The following CHODL variants were observed in gnomAD, a reference collection of about 807,000 sequenced individuals.
CHODL encodes the protein transmembrane protein MT75.
In CHODL, 29 loss-of-function variants were observed where a neutral mutation model predicts 34.5. The observed-to-expected ratio is 0.84, with a 90% CI of 0.63 to 1.15. CHODL has a LOEUF of 1.15. Ranked by LOEUF, CHODL falls within the 50% of genes most tolerant of loss-of-function variation. The probability of loss-of-function intolerance (pLI) is 0.00; values close to 1 mark genes in which losing one functional copy is unlikely to be tolerated. For synonymous variants in CHODL, 125 were observed against 116.1 expected, an observed-to-expected ratio of 1.08 and a Z score of -0.49; for missense variants, 332 against 332.5, an observed-to-expected ratio of 1.00 and a Z score of 0.01.
intron 2 of CHODL, among the ~76,000 whole-genome samples, chr21:18,205,737 CT>C (rs56091373): frequency 0.54 from 67,941 of 126,718 alleles, 18,214 homozygotes; most frequent in East Asian, 0.82. Context: ...AAGGAGTATA[CT>C]TTTTTTTTTT....
At chr21:18,188,990 T>A (rs2073478144) in intron 2 of CHODL, among the ~76,000 whole-genome samples, 1 of 152,204 alleles carries the variant, frequency 6.6e-6, no homozygotes, top group Admixed American at 6.5e-5. Context: ...TGCAGTACTA[T>A]TTTTTTGTAT....
chr21:18,061,662 G>A lies in CHODL; in HGVS notation c.-45+33691G>A, dbSNP rs960244616. On this transcript the variant is annotated intron_variant, in intron 2 of 6. Transcript: ENST00000400127. ...ATTGCACTTGTCAACATGGATGGGAGGAAAACAGAGGGAACACCAACAAAA... is the reference window on the plus strand; with the variant it reads ...ATTGCACTTGTCAACATGGATGGGAAGAAAACAGAGGGAACACCAACAAAA... 1.1e-4 allele frequency among the ~76,000 whole-genome samples: 17 copies of A among 152,168 alleles called. No homozygotes were observed. The East Asian group carries it at 2.3e-3, about 21-fold the overall frequency.
intron 2 of CHODL, among the ~76,000 whole-genome samples, chr21:18,163,895 C>T (rs183898331): frequency 5.9e-4 from 90 of 152,142 alleles, no homozygotes; most frequent in African/African-American, 2.0e-3. Context: ...TTTACTGATC[C>T]CCAGTGTGAT....
At chr21:17,981,301 A>C (rs372728416) in intron 1 of CHODL, among the ~76,000 whole-genome samples, 3 of 152,218 alleles carry the variant, frequency 2.0e-5, no homozygotes, top group Non-Finnish European at 4.4e-5. Context: ...GCTACCATGG[A>C]AACAGGTATT....
chr21:18,169,020 G>A (rs1293828010), intron 2 of CHODL, among the ~76,000 whole-genome samples: 1 of 151,968 alleles, frequency 6.6e-6, no homozygotes, highest in Non-Finnish European at 1.5e-5. Context: ...TGGAATTCTG[G>A]TAATACAGGC....
intron 2 of CHODL, among the ~76,000 whole-genome samples, chr21:18,083,931 G>A (rs746278296): frequency 1.3e-5 from 2 of 152,182 alleles, no homozygotes; most frequent in Non-Finnish European, 2.9e-5. Flanking sequence ...GAGACTGCTG[G>A]AAAGACATGA....
intron 2 of CHODL, among the ~76,000 whole-genome samples, chr21:18,051,929 T>C (rs1285020195): frequency 3.9e-5 from 6 of 151,920 alleles, no homozygotes; most frequent in Non-Finnish European, 8.8e-5. Context: ...GGAAAATAAA[T>C]TGTGCACATG....
intron 2 of CHODL, among the ~76,000 whole-genome samples, chr21:18,063,529 A>ATAGG (rs1037930099): frequency 6.6e-6 from 1 of 152,218 alleles, no homozygotes; most frequent in African/African-American, 2.4e-5. Context: ...TGGGGTACAA[A>ATAGG]TAGGTGTGTT....
At position 18,238,359 on chromosome 21, in the gene CHODL, C is replaced by T. The variant is rs142765848; in HGVS notation, c.-44-18150C>T. ...GAATCATGGTGGGAGGCAAAAGGCA[C>T]TTCTTACATGGTGGTGGCAAGAGAA... On this transcript the variant is annotated intron_variant, in intron 2 of 6. Transcript: ENST00000400127. Among the ~76,000 whole-genome samples the T allele has an allele frequency of 3.4e-4, 51 of 152,170 alleles. 1 individual carries two copies. The highest frequency in any genetic ancestry group is 4.9e-4 in the Non-Finnish European group (33 of 67,992).
At chr21:17,978,486 A>C (rs1440820744) in intron 1 of CHODL, among the ~76,000 whole-genome samples, 2 of 151,532 alleles carry the variant, frequency 1.3e-5, no homozygotes, top group Non-Finnish European at 2.9e-5. Context: ...TGGGAGGCCG[A>C]GGTGGGCGGA....
At chr21:18,035,794 TTC>T (rs1341966771) in intron 2 of CHODL, among the ~76,000 whole-genome samples, 1 of 49,750 alleles carries the variant, frequency 2.0e-5, no homozygotes, top group African/African-American at 5.7e-5. Context: ...AATTTGGATC[TTC>T]TTCTTTCATG....
chr21:18,227,635 G>A (rs1397281961), intron 2 of CHODL, among the ~76,000 whole-genome samples: 1 of 152,080 alleles, frequency 6.6e-6, no homozygotes, highest in Admixed American at 6.6e-5. Context: ...CAATGACATG[G>A]GAGGACAGGG....
At chr21:17,976,481 C>A (rs1056850462) in intron 1 of CHODL, among the ~76,000 whole-genome samples, 2 of 152,010 alleles carry the variant, frequency 1.3e-5, no homozygotes, top group African/African-American at 4.8e-5. Flanking sequence ...AGCTGTTGGG[C>A]ATCTTTCATG....
chr21:18,133,579 C>T (rs753341786), intron 2 of CHODL, among the ~76,000 whole-genome samples: 1 of 152,010 alleles, frequency 6.6e-6, no homozygotes, highest in Non-Finnish European at 1.5e-5. Context: ...AACAGAGTTC[C>T]CTTGTGGCAG....
At chr21:18,030,993 A>G (rs1019131924) in intron 2 of CHODL, among the ~76,000 whole-genome samples, 1 of 152,186 alleles carries the variant, frequency 6.6e-6, no homozygotes, top group Non-Finnish European at 1.5e-5. Flanking sequence ...CAAAGATTCA[A>G]CAACTGTTTG....
chr21:18,181,978 T>C (rs922968876), intron 2 of CHODL, among the ~76,000 whole-genome samples: 3 of 152,222 alleles, frequency 2.0e-5, no homozygotes, highest in African/African-American at 7.2e-5. Flanking sequence ...CTGATGGGAA[T>C]ATGAGTTATT....
chr21:18,171,198 GTTTTTT>G lies in CHODL; in HGVS notation c.-44-85297_-44-85292del, dbSNP rs1177005708. ...TGTTCTTCAGACATGGTTTTCTTTA[GTTTTTT>G]TTTTTTTTTTTTTGAGACGGAGTCT... On this transcript the variant is annotated intron_variant, in intron 2 of 6. Transcript: ENST00000400127. Among the ~76,000 whole-genome samples, 3 of 37,082 alleles carry G rather than the reference GTTTTTT, an allele frequency of 8.1e-5. 1 individual carries two copies. Among genetic ancestry groups the G allele is most frequent in the South Asian group, 1.7e-3 (1 of 590 alleles). The allele number at this position is 37,082 out of a possible 152,430, so 24.3% of individuals were successfully genotyped here.
chr21:18,147,660 T>C (rs907709925), intron 2 of CHODL, among the ~76,000 whole-genome samples: 2 of 152,228 alleles, frequency 1.3e-5, no homozygotes, highest in African/African-American at 4.8e-5. Context: ...TTTTAGGCTT[T>C]GTAGGCATCT....
chr21:18,262,180 A>G (rs768723816), intron 4 of CHODL, among the ~76,000 whole-genome samples: 4 of 152,200 alleles, frequency 2.6e-5, no homozygotes, highest in Non-Finnish European at 5.9e-5. Flanking sequence ...GAACAGTTTG[A>G]TATCACTACA....
Sources: gnomAD v4.1 joint callset for allele counts (sites outside exome capture counted in the v4.1 genomes callset) on GRCh38, gnomAD v4.1.1 for gene constraint, MANE v1.5 for transcripts, NCBI Gene and HGNC (gene_info 2026-07-23, HGNC 2026-07-21) for gene names.